TAAR1: variants seen among roughly 807,000 people sequenced by gnomAD.
The protein encoded by TAAR1 is trace amine-associated receptor 1.
In TAAR1, 1 loss-of-function variant was observed where a neutral mutation model predicts 1.2. The ratio of observed to expected loss-of-function variants is 0.81; its 90% confidence interval spans 0.29 to 3.86. TAAR1 has a LOEUF of 3.86. TAAR1 is among the 30% of genes most tolerant of loss of function. The pLI is 0.18. For synonymous variants in TAAR1, 153 were observed against 132.2 expected (o/e 1.16, Z -1.08); for missense variants, 445 against 405.6 (o/e 1.10, Z -0.83).
intron 1 of TAAR1, among the ~76,000 whole-genome samples, chr6:132,655,676 C>A (rs1249994574): frequency 6.6e-6 from 1 of 152,078 alleles, no homozygotes; most frequent in Non-Finnish European, 1.5e-5. Flanking sequence ...CAGTATCACT[C>A]CGATTGCTGC....
chr6:132,651,555 A>T (rs1777748944), intron 1 of TAAR1, among the ~76,000 whole-genome samples: 1 of 152,126 alleles, frequency 6.6e-6, no homozygotes, highest in Non-Finnish European at 1.5e-5. Flanking sequence ...AACATATCCA[A>T]TTCATCAATA....
chr6:132,649,729 A>C (rs1181624703), intron 1 of TAAR1, among the ~76,000 whole-genome samples: 1 of 152,170 alleles, frequency 6.6e-6, no homozygotes, highest in Non-Finnish European at 1.5e-5. Flanking sequence ...CACTATCATG[A>C]GAACAGCATG....
At chr6:132,652,548 G>A (rs1159577967) in intron 1 of TAAR1, among the ~76,000 whole-genome samples, 2 of 149,308 alleles carry the variant, frequency 1.3e-5, no homozygotes, top group Non-Finnish European at 3.0e-5. Context: ...CTCGTGATCC[G>A]CCTGCCTCGG....
At chr6:132,647,655 A>AGAAG in intron 1 of TAAR1, among the ~76,000 whole-genome samples, 1 of 150,380 alleles carries the variant, frequency 6.6e-6, no homozygotes, top group Non-Finnish European at 1.5e-5. Context: ...AAAGAAAGAA[A>AGAAG]GAAAGAAAGA....
rs147835479 is a variant in TAAR1, at chr6:132,658,840, A to C, written c.-127+290T>G. Among the ~76,000 whole-genome samples, 727 of 152,326 alleles carry C rather than the reference A, an allele frequency of 4.8e-3. 3 individuals are homozygous for C. The highest frequency in any genetic ancestry group is 0.015 in the African/African-American group (634 of 41,586). ...CAAATGTCCTAGCTTTCCATAAATG[A>C]ATTTTTAATAAAAGAGAAACAACAC... is the stretch of plus-strand genomic sequence containing the variant. On this transcript the variant is annotated intron_variant, in intron 1 of 1. Transcript: ENST00000275216.
At position 132,645,215 on chromosome 6, in the gene TAAR1, G is replaced by T. The variant is rs746529095; in HGVS notation, c.789C>A (p.Cys263Ter). ...CTGTACAGATAAAGAAAGGGCACCA[G>T]CATATTAGGAAAACTCCCATCACAA... Reference protein sequence around the residue: ...LGIVMGVFLICWCPFFICTVM... With the variant: ...LGIVMGVFLI Residue 263 changes from cysteine to a stop codon, truncating the protein, a stop_gained, in exon 2 of 2, where the codon TGC becomes TGA. Coordinates refer to ENST00000275216, the MANE Select transcript of TAAR1 (RefSeq NM_138327.4). LOFTEE classifies it high-confidence loss of function. 1.2e-6 allele frequency: 2 copies of T among 1,613,544 alleles called. No homozygotes were observed. The highest frequency in any genetic ancestry group is 1.7e-6 in the Non-Finnish European group (2 of 1,179,700).
At chr6:132,647,138 T>C (rs892613497) in intron 1 of TAAR1, among the ~76,000 whole-genome samples, 2 of 152,038 alleles carry the variant, frequency 1.3e-5, no homozygotes, top group Non-Finnish European at 2.9e-5. Context: ...GCACACAACC[T>C]TTTTAGTTTT....
chr6:132,658,234 G>T (rs1397067511), intron 1 of TAAR1, among the ~76,000 whole-genome samples: 1 of 152,026 alleles, frequency 6.6e-6, no homozygotes, highest in Non-Finnish European at 1.5e-5. Context: ...AGGGGAAACA[G>T]CATTTTTAAA....
chr6:132,652,595 G>A (rs1437969966), intron 1 of TAAR1, among the ~76,000 whole-genome samples: 10 of 148,640 alleles, frequency 6.7e-5, no homozygotes, highest in Admixed American at 2.0e-4. Context: ...GTGAGCCACC[G>A]CACCTGGCTC....
chr6:132,647,528 A>G (rs1220576726), intron 1 of TAAR1, among the ~76,000 whole-genome samples: 4 of 145,992 alleles, frequency 2.7e-5, no homozygotes, highest in Admixed American at 1.4e-4. Flanking sequence ...AAAGGAGAGG[A>G]GGAGGGAAGG....
At chr6:132,647,893 T>G (rs1415476457) in intron 1 of TAAR1, among the ~76,000 whole-genome samples, 1 of 152,148 alleles carries the variant, frequency 6.6e-6, no homozygotes. Context: ...ATGCAATATC[T>G]AGGTATGAAA....
intron 1 of TAAR1, among the ~76,000 whole-genome samples, chr6:132,650,318 T>C (rs1006138167): frequency 2.6e-5 from 4 of 152,218 alleles, no homozygotes; most frequent in Non-Finnish European, 5.9e-5. Flanking sequence ...TTCCTGGCAT[T>C]ATCTTAAGCT....
rs201011015 is a variant in TAAR1, at chr6:132,647,623, G to GAAAAAGAAAGAAA, written c.-126-1495_-126-1494insTTTCTTTCTTTTT. On this transcript the variant is annotated intron_variant, in intron 1 of 1. Transcript: ENST00000275216. Reference sequence around the variant, plus strand: ...GAAAGAAAAAAGAAAGAAAGAAAAAGGAAAGAAAGAAAGAAAGAAAGAAAG... The same window carrying GAAAAAGAAAGAAA: ...GAAAGAAAAAAGAAAGAAAGAAAAAGAAAAAGAAAGAAAGAAAGAAAGAAAGAAAGAAAGAAAG... Among the ~76,000 whole-genome samples the GAAAAAGAAAGAAA allele has an allele frequency of 2.1e-3, 214 of 103,118 alleles. 2 individuals carry two copies. The highest frequency in any genetic ancestry group is 0.012 in the South Asian group (38 of 3,288). The allele number at this position is 103,118 out of a possible 152,430, so 67.6% of individuals were successfully genotyped here.
At chr6:132,650,451 C>T (rs746869015) in intron 1 of TAAR1, among the ~76,000 whole-genome samples, 1 of 152,176 alleles carries the variant, frequency 6.6e-6, no homozygotes, top group Admixed American at 6.5e-5. Flanking sequence ...CTTTTAAATT[C>T]GTAACAAAAA....
At chr6:132,653,172 C>G (rs1777766694) in intron 1 of TAAR1, among the ~76,000 whole-genome samples, 1 of 152,092 alleles carries the variant, frequency 6.6e-6, no homozygotes, top group African/African-American at 2.4e-5. Flanking sequence ...GCTCCTTCCC[C>G]CAAGGAAATT....
intron 1 of TAAR1, among the ~76,000 whole-genome samples, chr6:132,652,517 G>C (rs1466602372): frequency 1.3e-5 from 2 of 150,476 alleles, no homozygotes; most frequent in Non-Finnish European, 3.0e-5. Context: ...ATGTTGGCCA[G>C]GATGGTCTTG....
chr6:132,646,034 C>T lies in TAAR1; in HGVS notation c.-31G>A. 6.5e-7 allele frequency: 1 copy of T among 1,538,450 alleles called. No individual in the cohort carries two copies. On this transcript the variant is annotated 5_prime_UTR_variant, in exon 2 of 2. Transcript: ENST00000275216. Reference sequence around the variant, plus strand: ...AGGGCTGTCAATCAGTTTACTTTTCCCTTTGTGTGTTGATTTATCTTTTTC... The same window carrying T: ...AGGGCTGTCAATCAGTTTACTTTTCTCTTTGTGTGTTGATTTATCTTTTTC...
Position 132,645,475 on chromosome 6 carries a change from G to A in TAAR1, c.529C>T (p.His177Tyr). 1 of 1,613,758 alleles carries A rather than the reference G, an allele frequency of 6.2e-7. No homozygotes were observed. The highest frequency in any genetic ancestry group is 8.5e-7 in the Non-Finnish European group (1 of 1,179,820). ...GAEEIYYKHV[H>Y]CRGGCSVFFS... ...AAGACAGAGCAACCTCCTCTGCAGT[G>A]AACATGTTTGTAATATATCTCTTCA... is the stretch of plus-strand genomic sequence containing the variant. Residue 177 changes from histidine (H) to tyrosine (Y), a missense_variant, in exon 2 of 2, where the codon CAC (histidine) becomes TAC (tyrosine). Coordinates refer to ENST00000275216, the MANE Select transcript of TAAR1 (RefSeq NM_138327.4).
intron 1 of TAAR1, among the ~76,000 whole-genome samples, chr6:132,653,010 C>T (rs1333868333): frequency 6.6e-6 from 1 of 152,036 alleles, no homozygotes; most frequent in East Asian, 1.9e-4. Context: ...CTTTTGAAAA[C>T]TAAGCTGCAA....
Sources: gnomAD v4.1 joint callset for allele counts (sites outside exome capture counted in the v4.1 genomes callset) on GRCh38, gnomAD v4.1.1 for gene constraint, MANE v1.5 for transcripts, NCBI Gene and HGNC (gene_info 2026-07-23, HGNC 2026-07-21) for gene names.